Variants in PCDH15 observed in about 807,000 individuals in gnomAD.
PCDH15 encodes the protein protocadherin-15.
PCDH15 carries 129 observed loss-of-function variants against 178.5 expected under a neutral mutation model. The observed-to-expected ratio is 0.72, with a 90% CI of 0.63 to 0.84. PCDH15 has a LOEUF of 0.84. Among genes scored for constraint, PCDH15 ranks in the 40% least tolerant of loss-of-function variants. The pLI is 0.00. For missense variants in PCDH15, 2,230 were observed against 2,099.9 expected, an observed-to-expected ratio of 1.06 and a Z score of -1.21; for synonymous variants, 800 against 732.0, an observed-to-expected ratio of 1.09 and a Z score of -1.50.
chr10:54,090,294 CTTAT>C (rs1428447312), intron 15 of PCDH15, among the ~76,000 whole-genome samples: 6 of 152,176 alleles, frequency 3.9e-5, no homozygotes, highest in African/African-American at 1.2e-4. Context: ...CCAAGGTTTA[CTTAT>C]TTAATTAACT....
At chr10:54,472,002 T>C (rs545227663) in intron 3 of PCDH15, among the ~76,000 whole-genome samples, 1 of 152,256 alleles carries the variant, frequency 6.6e-6, no homozygotes, top group East Asian at 1.9e-4. Flanking sequence ...TTTTTAGCAT[T>C]AAGCCAGTGC....
chr10:53,967,693 T>C (rs1452396986), intron 21 of PCDH15, among the ~76,000 whole-genome samples: 1 of 152,106 alleles, frequency 6.6e-6, no homozygotes, highest in Non-Finnish European at 1.5e-5. Context: ...CTTCAAATAA[T>C]CATATTTTTT....
rs66513139 is a variant in PCDH15 at position 53,897,959 on chromosome 10, C to CTTTTT, written c.3501+5279_3501+5283dup. 1.6e-4 allele frequency among the ~76,000 whole-genome samples: 13 copies of CTTTTT among 82,408 alleles called. 1 individual carries two copies. Among genetic ancestry groups the CTTTTT allele is most frequent in the South Asian group, 5.1e-4 (1 of 1,970 alleles). 54.1% of individuals were successfully genotyped at this position (82,408 alleles called of 152,430 possible). On this transcript the variant is annotated intron_variant, in intron 26 of 37. Transcript: ENST00000644397. ...TGAACATATGTGTTGTTTCTTTTCC[C>CTTTTT]TTTTTTTTTTTTTTTTTTTTTTTTT...
At chr10:55,481,439 G>T (rs1295631005) in intron 2 of PCDH15, among the ~76,000 whole-genome samples, 1 of 151,392 alleles carries the variant, frequency 6.6e-6, no homozygotes, top group East Asian at 2.0e-4. Context: ...TTGCTGACTT[G>T]ATATCTTTCT....
chr10:54,109,536 G>A (rs986582357), intron 15 of PCDH15, among the ~76,000 whole-genome samples: 2 of 152,180 alleles, frequency 1.3e-5, no homozygotes, highest in Non-Finnish European at 2.9e-5. Flanking sequence ...GATTGATCTG[G>A]ACATCATCAA....
At chr10:55,270,365 G>T (rs1842411139) in intron 1 of PCDH15, among the ~76,000 whole-genome samples, 1 of 151,344 alleles carries the variant, frequency 6.6e-6, no homozygotes, top group African/African-American at 2.4e-5. Flanking sequence ...CCAAATGGGA[G>T]AAAATATTCA....
At chr10:55,536,564 A>G (rs995482207) in intron 2 of PCDH15, among the ~76,000 whole-genome samples, 1 of 152,128 alleles carries the variant, frequency 6.6e-6, no homozygotes, top group African/African-American at 2.4e-5. Context: ...TCTTGAGCTC[A>G]CAGAAGACAT....
intron 3 of PCDH15, among the ~76,000 whole-genome samples, chr10:54,856,307 G>A (rs141862755): frequency 5.3e-4 from 80 of 152,206 alleles, no homozygotes; most frequent in African/African-American, 1.9e-3. Context: ...CTGGGGCAGA[G>A]GCTTCAGACA....
intron 4 of PCDH15, among the ~76,000 whole-genome samples, chr10:54,375,854 T>TAAATA (rs1356861247): frequency 8.4e-6 from 1 of 118,906 alleles, no homozygotes; most frequent in Non-Finnish European, 1.8e-5. Context: ...ATATAATATA[T>TAAATA]AAATAAAAAT....
intron 2 of PCDH15, among the ~76,000 whole-genome samples, chr10:55,445,435 G>A (rs1213275375): frequency 6.6e-6 from 1 of 152,034 alleles, no homozygotes; most frequent in Non-Finnish European, 1.5e-5. Context: ...TCTGAGACAC[G>A]GGACAAGCTA....
intron 2 of PCDH15, among the ~76,000 whole-genome samples, chr10:55,584,465 T>C (rs111470061): frequency 1.9e-4 from 29 of 151,990 alleles, no homozygotes; most frequent in African/African-American, 6.8e-4. Context: ...GAGACCATCC[T>C]GGCCAACATG....
intron 1 of PCDH15, among the ~76,000 whole-genome samples, chr10:54,763,475 T>C (rs1447812648): frequency 6.6e-6 from 1 of 152,064 alleles, no homozygotes; most frequent in Non-Finnish European, 1.5e-5. Flanking sequence ...ATCATGGAAC[T>C]GTGTGGAGTT....
At chr10:55,240,298 T>C (rs17611988) in intron 1 of PCDH15, among the ~76,000 whole-genome samples, 49,864 of 152,052 alleles carry the variant, frequency 0.33, 8,557 homozygotes, top group Middle Eastern at 0.4. Flanking sequence ...GACATGTCTA[T>C]ACTCTATCAT....
intron 2 of PCDH15, among the ~76,000 whole-genome samples, chr10:55,058,928 G>A (rs1374567386): frequency 6.6e-6 from 1 of 152,118 alleles, no homozygotes; most frequent in Non-Finnish European, 1.5e-5. Flanking sequence ...TTGTCTATGA[G>A]AACATTTCAG....
intron 3 of PCDH15, among the ~76,000 whole-genome samples, chr10:54,516,286 T>C (rs2137977842): frequency 7.1e-6 from 1 of 140,414 alleles, no homozygotes; most frequent in African/African-American, 2.7e-5. Flanking sequence ...TTCAAACCAA[T>C]GGCAAACAAG....
intron 8 of PCDH15, among the ~76,000 whole-genome samples, chr10:54,278,535 T>C (rs996975349): frequency 6.6e-6 from 1 of 151,586 alleles, no homozygotes; most frequent in African/African-American, 2.4e-5. Flanking sequence ...AAGATGATGG[T>C]AAATTAGCAG....
chr10:54,908,988 C>T (rs768529365), intron 2 of PCDH15, among the ~76,000 whole-genome samples: 10 of 152,042 alleles, frequency 6.6e-5, no homozygotes, highest in Non-Finnish European at 1.3e-4. Flanking sequence ...AGGGTAACTT[C>T]TCTCTGCTAG....
chr10:53,825,297 GTTA>G (rs906288963), intron 32 of PCDH15, among the ~76,000 whole-genome samples: 16 of 151,944 alleles, frequency 1.1e-4, no homozygotes, highest in Admixed American at 8.5e-4. Context: ...TTTATATTTT[GTTA>G]TTATTCATAT....
intron 2 of PCDH15, among the ~76,000 whole-genome samples, chr10:54,933,863 C>T (rs1195268536): frequency 2.0e-5 from 3 of 152,054 alleles, no homozygotes; most frequent in Non-Finnish European, 2.9e-5. Flanking sequence ...AATCCTTATC[C>T]GTAGACAATT....
Sources: gnomAD v4.1 joint callset for allele counts (sites outside exome capture counted in the v4.1 genomes callset) on GRCh38, gnomAD v4.1.1 for gene constraint, MANE v1.5 for transcripts, NCBI Gene and HGNC (gene_info 2026-07-23, HGNC 2026-07-21) for gene names.